DNAH5: variants seen among roughly 807,000 people sequenced by gnomAD.
The protein encoded by DNAH5 is dynein axonemal heavy chain 5.
In DNAH5, 372 loss-of-function variants were observed where a neutral mutation model predicts 518.2. The ratio of observed to expected loss-of-function variants is 0.72; its 90% CI spans 0.66 to 0.78. DNAH5 has a LOEUF of 0.78. Among genes scored for constraint, DNAH5 ranks in the 30% least tolerant of loss-of-function variants. The pLI, the probability that DNAH5 is intolerant of heterozygous loss-of-function variation, is 0.00. For synonymous variants in DNAH5, 2,039 were observed against 2,025.9 expected (o/e 1.01, Z -0.17); for missense variants, 5,523 against 5,687.0 (o/e 0.97, Z 0.93).
intron 61 of DNAH5, among the ~76,000 whole-genome samples, chr5:13,756,728 G>T (rs2126717414): frequency 6.6e-6 from 1 of 152,264 alleles, no homozygotes; most frequent in South Asian, 2.1e-4. Context: ...TTTCAGTTCA[G>T]GGGTATGTGT....
At chr5:13,977,650 T>C (rs1782359532) in intron 1 of DNAH5, among the ~76,000 whole-genome samples, 2 of 152,040 alleles carry the variant, frequency 1.3e-5, no homozygotes, top group South Asian at 4.2e-4. Context: ...CAACTCCAAT[T>C]TCTCCGTCGA....
chr5:14,005,105 G>A (rs184257884), intron 1 of DNAH5, among the ~76,000 whole-genome samples: 28 of 151,848 alleles, frequency 1.8e-4, no homozygotes, highest in Admixed American at 3.3e-4. Context: ...ACTCTCCCCT[G>A]CCCCAGCTGC....
At chr5:13,817,903 A>C (rs1761669078) in intron 41 of DNAH5, among the ~76,000 whole-genome samples, 1 of 152,222 alleles carries the variant, frequency 6.6e-6, no homozygotes, top group Admixed American at 6.5e-5. Flanking sequence ...TATCTTCTTT[A>C]GAGAAAATTG....
At chr5:13,737,151 T>A in intron 66 of DNAH5, 101 bp downstream of exon 66, 1 of 1,559,834 alleles carries the variant, frequency 6.4e-7, no homozygotes, top group South Asian at 1.1e-5. Context: ...CCACTTTGCA[T>A]AATCATTTGT....
intron 61 of DNAH5, among the ~76,000 whole-genome samples, chr5:13,756,082 G>C (rs1287463859): frequency 6.6e-6 from 1 of 152,240 alleles, no homozygotes; most frequent in Non-Finnish European, 1.5e-5. Flanking sequence ...ATAGGTCCCA[G>C]AGAGGTGACT....
At chr5:13,904,716 GC>G (rs1258158422) in intron 12 of DNAH5, among the ~76,000 whole-genome samples, 1 of 152,074 alleles carries the variant, frequency 6.6e-6, no homozygotes, top group Non-Finnish European at 1.5e-5. Flanking sequence ...TTTGAAACCA[GC>G]CTGGGCAACA....
At chr5:13,847,791 T>C (rs1362857967) in intron 31 of DNAH5, among the ~76,000 whole-genome samples, 3 of 151,386 alleles carry the variant, frequency 2.0e-5, no homozygotes, top group African/African-American at 7.3e-5. Context: ...TGTCTGTCTG[T>C]CTGTCTGTGG....
intron 15 of DNAH5, chr5:13,898,586 G>C (rs1339919672): frequency 2.5e-6 from 1 of 398,444 alleles, no homozygotes; most frequent in Non-Finnish European, 4.4e-6. Context: ...GTAGCTATGA[G>C]ACCTTTGCTA....
Position 13,859,247 on chromosome 5 carries a change from A to G in DNAH5, c.4950+205T>C, listed in dbSNP as rs924631. ...TCTCCTATCAAACCTCCACAGTTTTACAGCATTCTTACTCTGATTGTCACC... is the reference window on the plus strand; with the variant it reads ...TCTCCTATCAAACCTCCACAGTTTTGCAGCATTCTTACTCTGATTGTCACC... On this transcript the variant is annotated intron_variant, in intron 30 of 78. Coordinates refer to ENST00000265104, the MANE Select transcript of DNAH5 (RefSeq NM_001369.3). Among the ~76,000 whole-genome samples the G allele has an allele frequency of 0.052, 7,965 of 152,164 alleles. 221 individuals carry two copies. The highest frequency in any genetic ancestry group is 0.064 in the Admixed American group (972 of 15,266).
chr5:13,739,988 A>T (rs554412131), intron 65 of DNAH5, among the ~76,000 whole-genome samples: 2 of 152,116 alleles, frequency 1.3e-5, no homozygotes, highest in Non-Finnish European at 2.9e-5. Flanking sequence ...TAGCACCATC[A>T]GCAAAACTAA....
intron 1 of DNAH5, among the ~76,000 whole-genome samples, chr5:13,935,204 T>A (rs1778813116): frequency 6.6e-6 from 1 of 152,170 alleles, no homozygotes; most frequent in Non-Finnish European, 1.5e-5. Flanking sequence ...GATTCTTCCA[T>A]GGCAAGGAAC....
At chr5:13,733,454 G>A (rs1405239704) in intron 68 of DNAH5, among the ~76,000 whole-genome samples, 4 of 152,174 alleles carry the variant, frequency 2.6e-5, no homozygotes, top group African/African-American at 7.2e-5. Flanking sequence ...TAGAGTCACT[G>A]AGGCCAGAAA....
intron 44 of DNAH5, among the ~76,000 whole-genome samples, chr5:13,810,791 C>G (rs896588356): frequency 6.6e-6 from 1 of 151,356 alleles, no homozygotes; most frequent in South Asian, 2.1e-4. Flanking sequence ...CAGGGTTTAT[C>G]GCAGCACTGT....
chr5:13,771,138 C>T (rs1753285195), intron 55 of DNAH5, 158 bp from the exon 56 acceptor site: 1 of 632,722 alleles, frequency 1.6e-6, no homozygotes, highest in East Asian at 2.7e-5. Flanking sequence ...GGCCCCAGGC[C>T]TATAACATCA....
chr5:13,839,333 G>A (rs1764841694), intron 35 of DNAH5, 23 bp downstream of exon 35: 1 of 1,611,898 alleles, frequency 6.2e-7, no homozygotes, highest in Non-Finnish European at 8.5e-7. Flanking sequence ...AATGGTGGGG[G>A]TTGGGGAGAA....
chr5:13,939,936 A>T (rs1192143311), intron 1 of DNAH5, among the ~76,000 whole-genome samples: 1 of 152,158 alleles, frequency 6.6e-6, no homozygotes, highest in Admixed American at 6.5e-5. Context: ...CCTCTATTGC[A>T]AAGAGATAGC....
intron 66 of DNAH5, 132 bp downstream of exon 66, chr5:13,737,120 C>A: frequency 6.9e-7 from 1 of 1,448,532 alleles, no homozygotes; most frequent in South Asian, 1.2e-5. Flanking sequence ...TATTTCCCAA[C>A]AGAAATTCCA....
chr5:13,939,963 C>T (rs1779308119), intron 1 of DNAH5, among the ~76,000 whole-genome samples: 1 of 152,196 alleles, frequency 6.6e-6, no homozygotes, highest in East Asian at 1.9e-4. Context: ...GCGTGTGGTA[C>T]CATCCATTTT....
At chr5:13,999,704 T>C (rs1784216647) in intron 1 of DNAH5, among the ~76,000 whole-genome samples, 3 of 152,206 alleles carry the variant, frequency 2.0e-5, no homozygotes, top group African/African-American at 7.2e-5. Flanking sequence ...TGGATAAATA[T>C]CCAGAAATGA....
Sources: gnomAD v4.1 joint callset for allele counts (sites outside exome capture counted in the v4.1 genomes callset) on GRCh38, gnomAD v4.1.1 for gene constraint, MANE v1.5 for transcripts, NCBI Gene and HGNC (gene_info 2026-07-23, HGNC 2026-07-21) for gene names.